BLTP3A: variants seen among roughly 807,000 people sequenced by gnomAD.
BLTP3A encodes ICBP90 binding protein 1.
At chr6:34,823,179 G>A in the BLTP3A span, 3 of 1,241,230 alleles carry the variant, frequency 2.4e-6, no homozygotes, top group Admixed American at 1.7e-5. Flanking sequence ...GCACGGAGAT[G>A]AATGACACAG....
the BLTP3A span, among the ~76,000 whole-genome samples, chr6:34,807,147 T>G: frequency 6.6e-6 from 1 of 152,168 alleles, no homozygotes; most frequent in Non-Finnish European, 1.5e-5. Flanking sequence ...TTGGGAATGG[T>G]CAAGAAGCGG....
At chr6:34,798,594 C>CTTTCTTTT in the BLTP3A span, among the ~76,000 whole-genome samples, 4 of 94,500 alleles carry the variant, frequency 4.2e-5, no homozygotes, top group Non-Finnish European at 8.1e-5. Context: ...TTCTTTCTTT[C>CTTTCTTTT]TTTTTTTTTT....
the BLTP3A span, among the ~76,000 whole-genome samples, chr6:34,821,012 A>G: frequency 1.0e-4 from 15 of 144,518 alleles, no homozygotes; most frequent in Middle Eastern, 7.7e-3. Context: ...GCTGGAGTGC[A>G]ATGGCACGAT....
chr6:34,845,143 T>C, the BLTP3A span, among the ~76,000 whole-genome samples: 2 of 152,218 alleles, frequency 1.3e-5, no homozygotes, highest in African/African-American at 4.8e-5. Context: ...TAAGTACCTT[T>C]GTCAGTAATG....
At chr6:34,877,395 T>C in the BLTP3A span, 1 of 152,782 alleles carries the variant, frequency 6.5e-6, no homozygotes, top group African/African-American at 2.4e-5. Context: ...AGAATGTATC[T>C]GATGAACTAG....
At chr6:34,874,570 G>A in the BLTP3A span, 1 of 152,258 alleles carries the variant, frequency 6.6e-6, no homozygotes, top group Non-Finnish European at 1.5e-5. Context: ...TTACTAATAA[G>A]CAGGGCTGAG....
At chr6:34,834,788 A>T in the BLTP3A span, 11 of 1,614,082 alleles carry the variant, frequency 6.8e-6, no homozygotes, top group Non-Finnish European at 9.3e-6. Flanking sequence ...GACAATGGTG[A>T]TCAGGACCCA....
chr6:34,858,060 T>C, the BLTP3A span: 1 of 1,576,542 alleles, frequency 6.3e-7, no homozygotes, highest in Non-Finnish European at 8.6e-7. Context: ...ACATGTGTAT[T>C]AATAGTGGGA....
chr6:34,811,001 AG>A, the BLTP3A span, among the ~76,000 whole-genome samples: 1 of 152,224 alleles, frequency 6.6e-6, no homozygotes, highest in Non-Finnish European at 1.5e-5. Context: ...CTAGGCTATC[AG>A]GTTTGTCTGC....
At chr6:34,824,472 C>T in the BLTP3A span, among the ~76,000 whole-genome samples, 2 of 149,310 alleles carry the variant, frequency 1.3e-5, no homozygotes, top group Admixed American at 6.7e-5. Flanking sequence ...GCAAGAGAAT[C>T]GCTTGAACCC....
chr6:34,823,496 C>A, the BLTP3A span: 5 of 584,912 alleles, frequency 8.5e-6, no homozygotes, highest in Admixed American at 1.5e-4. Flanking sequence ...TACCCAAGAT[C>A]TAATTTCAAC....
At chr6:34,848,950 AT>A in the BLTP3A span, among the ~76,000 whole-genome samples, 33,134 of 86,802 alleles carry the variant, frequency 0.38, 5,371 homozygotes, top group African/African-American at 0.52. Context: ...AATTTCTTGC[AT>A]TTTTTTTTTT....
chr6:34,852,579 C>CCT, the BLTP3A span, among the ~76,000 whole-genome samples: 2 of 146,616 alleles, frequency 1.4e-5, no homozygotes, highest in African/African-American at 5.1e-5. Context: ...CCTCTCCTCT[C>CCT]CTCAGGTGCA....
the BLTP3A span, among the ~76,000 whole-genome samples, chr6:34,802,373 ATT>A: frequency 1.4e-5 from 2 of 139,544 alleles, no homozygotes; most frequent in African/African-American, 2.7e-5. Flanking sequence ...AGCCCGGCTA[ATT>A]TTTTTTTTTT....
the BLTP3A span, among the ~76,000 whole-genome samples, chr6:34,805,112 A>G: frequency 6.6e-6 from 1 of 151,638 alleles, no homozygotes; most frequent in Non-Finnish European, 1.5e-5. Context: ...TGGGTAGCAT[A>G]GCAAGACTCC....
the BLTP3A span, chr6:34,872,612 T>A: frequency 2.6e-6 from 2 of 764,224 alleles, no homozygotes; most frequent in East Asian, 3.0e-5. Context: ...TTACTTGGAC[T>A]GAGGACAAGG....
At chr6:34,837,389 A>G in the BLTP3A span, among the ~76,000 whole-genome samples, 6 of 152,102 alleles carry the variant, frequency 3.9e-5, no homozygotes, top group African/African-American at 1.2e-4. Flanking sequence ...AAAAATTTGA[A>G]AATTAGCCAG....
the BLTP3A span, among the ~76,000 whole-genome samples, chr6:34,797,786 C>T: frequency 2.1e-3 from 318 of 152,156 alleles, 2 homozygotes; most frequent in African/African-American, 7.3e-3. Flanking sequence ...CAATTTAGTC[C>T]CCATAATAAC....
chr6:34,812,311 A>G, the BLTP3A span, among the ~76,000 whole-genome samples: 1 of 145,846 alleles, frequency 6.9e-6, no homozygotes, highest in Non-Finnish European at 1.5e-5. Flanking sequence ...CCTGGGCAAC[A>G]GAGCGAAACT....
Sources: gnomAD v4.1 joint callset for allele counts (sites outside exome capture counted in the v4.1 genomes callset) on GRCh38, gnomAD v4.1.1 for gene constraint, MANE v1.5 for transcripts, NCBI Gene and HGNC (gene_info 2026-07-23, HGNC 2026-07-21) for gene names.